NEDD4L: variants seen among roughly 807,000 people sequenced by gnomAD.
The protein encoded by NEDD4L is NEDD4 like E3 ubiquitin protein ligase.
NEDD4L carries 54 observed loss-of-function variants against 148.9 expected under a neutral mutation model. The observed-to-expected ratio is 0.36, with a 90% CI of 0.29 to 0.45. The LOEUF is 0.45. NEDD4L is among the 20% of genes least tolerant of loss of function. The probability of loss-of-function intolerance (pLI) is 1.00; values close to 1 mark genes in which losing one functional copy is unlikely to be tolerated. For synonymous variants in NEDD4L, 433 were observed against 440.7 expected (o/e 0.98, Z 0.22); for missense variants, 856 against 1,233.8 (o/e 0.69, Z 4.59).
At chr18:58,200,900 C>T (rs1456657180) in intron 2 of NEDD4L, among the ~76,000 whole-genome samples, 2 of 152,226 alleles carry the variant, frequency 1.3e-5, no homozygotes, top group African/African-American at 4.8e-5. Flanking sequence ...TCAGGTGTGG[C>T]CCCACTTCCC....
intron 1 of NEDD4L, among the ~76,000 whole-genome samples, chr18:58,108,468 T>G (rs528658561): frequency 5.9e-5 from 9 of 152,234 alleles, no homozygotes; most frequent in Admixed American, 3.3e-4. Flanking sequence ...TCGCCCAGGC[T>G]GGAGTGCAGT....
intron 1 of NEDD4L, among the ~76,000 whole-genome samples, chr18:58,078,378 A>T (rs1210440048): frequency 6.6e-6 from 1 of 152,204 alleles, no homozygotes; most frequent in Non-Finnish European, 1.5e-5. Context: ...TTTGGGATGA[A>T]TGTAATGAAT....
rs140758246 is a variant in NEDD4L, at chr18:58,053,945, G to A, written c.48+9237G>A. On this transcript the variant is annotated intron_variant, in intron 1 of 30. Transcript: ENST00000400345. ...TTTAGTTTTATGTTTTGGCAAGTGA[G>A]TGTTGGATGTCACTAATGTGAGGAG... Among the ~76,000 whole-genome samples, 119 of 152,348 alleles carry A rather than the reference G, an allele frequency of 7.8e-4. 1 individual carries two copies. Among genetic ancestry groups the A allele is most frequent in the African/African-American group, 2.7e-3 (114 of 41,576 alleles).
chr18:58,058,325 A>G (rs1274487689), intron 1 of NEDD4L, among the ~76,000 whole-genome samples: 5 of 152,236 alleles, frequency 3.3e-5, no homozygotes, highest in African/African-American at 2.4e-5. Context: ...TAAAATACAC[A>G]TGACAAAATG....
intron 30 of NEDD4L, among the ~76,000 whole-genome samples, chr18:58,394,112 A>G (rs1447574870): frequency 1.3e-5 from 2 of 152,242 alleles, no homozygotes; most frequent in Admixed American, 6.5e-5. Flanking sequence ...TCATTAGTGC[A>G]GAGCAAAGCC....
chr18:58,132,686 C>T (rs928716240), intron 1 of NEDD4L, among the ~76,000 whole-genome samples: 22 of 152,198 alleles, frequency 1.4e-4, no homozygotes, highest in African/African-American at 5.1e-4. Context: ...AGCCAACCCT[C>T]GTTGTCTTAC....
intron 19 of NEDD4L, among the ~76,000 whole-genome samples, chr18:58,362,983 T>C (rs2145987197): frequency 6.6e-6 from 1 of 152,304 alleles, no homozygotes; most frequent in South Asian, 2.1e-4. Context: ...AAATAGGATG[T>C]GAGGTCAAAT....
At chr18:58,393,279 G>A (rs1379442845) in intron 30 of NEDD4L, among the ~76,000 whole-genome samples, 1 of 152,160 alleles carries the variant, frequency 6.6e-6, no homozygotes, top group Non-Finnish European at 1.5e-5. Flanking sequence ...CTCAACCTCA[G>A]CTGCATGTTG....
At chr18:58,166,953 CCT>C (rs2036921849) in intron 2 of NEDD4L, among the ~76,000 whole-genome samples, 1 of 152,148 alleles carries the variant, frequency 6.6e-6, no homozygotes, top group Non-Finnish European at 1.5e-5. Flanking sequence ...AGTAAGCACG[CCT>C]CTATTTTCTC....
At chr18:58,282,385 C>T (rs777973124) in intron 5 of NEDD4L, among the ~76,000 whole-genome samples, 1 of 152,130 alleles carries the variant, frequency 6.6e-6, no homozygotes, top group Non-Finnish European at 1.5e-5. Context: ...TTTTAAGACA[C>T]CACTGAAATT....
intron 2 of NEDD4L, among the ~76,000 whole-genome samples, chr18:58,188,607 A>G (rs1421165629): frequency 6.6e-6 from 1 of 152,048 alleles, no homozygotes. Context: ...GCCCCAGTAC[A>G]CTCTCAAGCC....
intron 2 of NEDD4L, among the ~76,000 whole-genome samples, chr18:58,173,245 A>G (rs2037719507): frequency 6.6e-6 from 1 of 152,194 alleles, no homozygotes; most frequent in South Asian, 2.1e-4. Context: ...CAGTGGCTTC[A>G]TTTGAGCTTA....
In NEDD4L at chr18:58,254,560, CA is replaced by C. The variant is rs71173040; in HGVS notation, c.297+2522del. ...TGTGGTATTTAAGTTAAATTATTAC[CA>C]AAAAAAAAAAAAAAAGCCCACATGC... On this transcript the variant is annotated intron_variant, in intron 5 of 30. Transcript: ENST00000400345. Among the ~76,000 whole-genome samples, 829 of 111,914 alleles carry C rather than the reference CA, an allele frequency of 7.4e-3. 4 individuals are homozygous for C. The highest frequency in any genetic ancestry group is 0.018 in the African/African-American group (533 of 30,076). The allele number at this position is 111,914 out of a possible 152,430, so 73.4% of individuals were successfully genotyped here. A position where few individuals can be genotyped will look rare whatever the true frequency, so the allele number is the denominator to read the frequency against.
At chr18:58,349,977 A>G (rs1312503961) in intron 17 of NEDD4L, among the ~76,000 whole-genome samples, 1 of 152,240 alleles carries the variant, frequency 6.6e-6, no homozygotes, top group East Asian at 1.9e-4. Context: ...GAACAAAAAT[A>G]ATGAAAATAG....
intron 16 of NEDD4L, among the ~76,000 whole-genome samples, chr18:58,348,326 C>CTTTTTTTTTTTTTTTTTTTTTTTTTT (rs771263533): frequency 9.0e-5 from 8 of 88,670 alleles, no homozygotes; most frequent in African/African-American, 2.2e-4. Flanking sequence ...TCTTTTTTTT[C>CTTTTTTTTTTTTTTTTTTTTTTTTTT]TTTTTTTTTT....
At chr18:58,363,998 T>A (rs922225937) in intron 19 of NEDD4L, among the ~76,000 whole-genome samples, 1 of 152,152 alleles carries the variant, frequency 6.6e-6, no homozygotes, top group Admixed American at 6.5e-5. Context: ...GGAAAGCATG[T>A]TTAGTTTGTG....
At chr18:58,160,332 C>G (rs909804063) in intron 1 of NEDD4L, among the ~76,000 whole-genome samples, 4 of 152,282 alleles carry the variant, frequency 2.6e-5, no homozygotes, top group African/African-American at 9.6e-5. Flanking sequence ...ATGGCTCGGG[C>G]ACCTTATCTT....
rs1432890115 is a variant in NEDD4L at position 58,132,751 on chromosome 18, A to ATT, written c.49-33036_49-33035dup. On this transcript the variant is annotated intron_variant, in intron 1 of 30. Transcript: ENST00000400345. ...GACTTTGAACTGAGCATTCCGTGTT[A>ATT]TTCTCTTTTTTGTTTTTTTAAGGGG... Among the ~76,000 whole-genome samples the ATT allele has an allele frequency of 3.9e-5, 6 of 152,248 alleles. No individual in the cohort carries two copies. In the East Asian group the frequency reaches 7.7e-4, roughly 20 times the overall value.
intron 24 of NEDD4L, 59 bp downstream of exon 24, chr18:58,373,328 G>A (rs767461466): frequency 5.1e-6 from 5 of 979,430 alleles, no homozygotes; most frequent in Non-Finnish European, 4.8e-6. Context: ...TTTTCTTCTT[G>A]ACGGGCTGTA....
Sources: allele counts gnomAD v4.1 joint callset (sites outside exome capture counted in the v4.1 genomes callset), GRCh38; gene constraint gnomAD v4.1.1; transcripts MANE v1.5; gene names NCBI Gene and HGNC (gene_info 2026-07-23, HGNC 2026-07-21).